The following PALLD variants were observed in gnomAD, a reference collection of about 807,000 sequenced individuals.
The protein encoded by PALLD is palladin.
PALLD carries 61 observed loss-of-function variants against 123.5 expected under a neutral mutation model. That is an observed-to-expected ratio of 0.49 (90% CI 0.40 to 0.61). The LOEUF (loss-of-function observed/expected upper bound fraction) is 0.61, where lower values mean the gene tolerates loss of function less well. Ranked by LOEUF, PALLD falls within the 20% of genes least tolerant of loss-of-function variation. The probability of loss-of-function intolerance (pLI) is 0.00; values close to 1 mark genes in which losing one functional copy is unlikely to be tolerated. For missense variants in PALLD, 1,273 were observed against 1,377.0 expected (o/e 0.92, Z 1.20); for synonymous variants, 465 against 496.4 (o/e 0.94, Z 0.84).
chr4:168,499,180 CAAAAAAAAA>C (rs1157137965), intron 1 of PALLD, among the ~76,000 whole-genome samples: 2 of 16,378 alleles, frequency 1.2e-4, no homozygotes, highest in Non-Finnish European at 2.0e-4. Flanking sequence ...CCCTTTGTAG[CAAAAAAAAA>C]AAAAAAAAAA....
chr4:168,720,146 G>A (rs1307446792), intron 10 of PALLD, among the ~76,000 whole-genome samples: 2 of 152,094 alleles, frequency 1.3e-5, no homozygotes, highest in Admixed American at 6.6e-5. Context: ...CTATAACCTG[G>A]TTATCTCTAC....
chr4:168,893,066 A>G (rs1754404339), intron 11 of PALLD, among the ~76,000 whole-genome samples: 1 of 152,200 alleles, frequency 6.6e-6, no homozygotes, highest in South Asian at 2.1e-4. Context: ...AAAACTGTGA[A>G]GTATATTTGG....
At position 168,619,626 on chromosome 4, in the gene PALLD, T is replaced by C. The variant is rs542010755; in HGVS notation, c.909-48564T>C. On this transcript the variant is annotated intron_variant, in intron 2 of 21. Transcript: ENST00000505667. ...CTGTTTCTTATACTGTGGTGGGAAATCTTTCAGTAGAACCAACTCAGATCT... is the reference window on the plus strand; with the variant it reads ...CTGTTTCTTATACTGTGGTGGGAAACCTTTCAGTAGAACCAACTCAGATCT... Among the ~76,000 whole-genome samples the C allele has an allele frequency of 2.6e-5, 4 of 152,306 alleles. No homozygotes were observed. The South Asian group carries it at 8.3e-4, about 32-fold the overall frequency.
intron 11 of PALLD, among the ~76,000 whole-genome samples, chr4:168,893,024 T>C (rs970591960): frequency 1.3e-5 from 2 of 152,196 alleles, no homozygotes; most frequent in African/African-American, 4.8e-5. Context: ...GACACGGGCT[T>C]TTATAGCCAG....
chr4:168,716,529 C>G lies in PALLD; in HGVS notation c.1964+4606C>G, dbSNP rs145205839. On this transcript the variant is annotated intron_variant, in intron 10 of 21. Transcript: ENST00000505667. ...GTAAAACGATTTCAGGCTGAATCAA[C>G]CTTTTCAAAATTACTGCATTTTACA... is the stretch of plus-strand genomic sequence containing the variant. Among the ~76,000 whole-genome samples the G allele has an allele frequency of 1.6e-3, 240 of 152,290 alleles. 2 individuals carry two copies. The highest frequency in any genetic ancestry group is 5.5e-3 in the African/African-American group (227 of 41,562).
intron 10 of PALLD, among the ~76,000 whole-genome samples, chr4:168,805,353 T>C (rs965867585): frequency 6.6e-6 from 1 of 152,112 alleles, no homozygotes; most frequent in African/African-American, 2.4e-5. Context: ...TAAGCTTTGC[T>C]TTAAGGGAGG....
At chr4:168,524,124 T>G (rs1190811546) in intron 2 of PALLD, among the ~76,000 whole-genome samples, 2 of 152,216 alleles carry the variant, frequency 1.3e-5, no homozygotes, top group African/African-American at 4.8e-5. Context: ...TAATCAGAAC[T>G]CTTTACAGAA....
Position 168,759,199 on chromosome 4 carries a change from AAAAATATATATATATATATATATATAT to A in PALLD, c.1964+47278_1964+47304del, listed in dbSNP as rs1173809909. 1.4e-3 allele frequency among the ~76,000 whole-genome samples: 53 copies of A among 38,364 alleles called. 4 individuals carry two copies. The highest frequency in any genetic ancestry group is 2.2e-3 in the Non-Finnish European group (43 of 19,932). 25.2% of individuals were successfully genotyped at this position (38,364 alleles called of 152,430 possible). A position where few individuals can be genotyped will look rare whatever the true frequency, so the allele number is the denominator to read the frequency against. On this transcript the variant is annotated intron_variant, in intron 10 of 21. Coordinates refer to ENST00000505667, the MANE Select transcript of PALLD (RefSeq NM_001166108.2). ...CATCTCAAAAAAAAAAAAAAAAAAAAAAAATATATATATATATATATATATATATATATATATATATATATAGAAACA... is the reference window on the plus strand; with the variant it reads ...CATCTCAAAAAAAAAAAAAAAAAAAAATATATATATATATATATAGAAACA...
chr4:168,606,297 G>C lies in PALLD; in HGVS notation c.909-61893G>C, dbSNP rs553312780. Among the ~76,000 whole-genome samples, 14 of 152,180 alleles carry C rather than the reference G, an allele frequency of 9.2e-5. No individual in the cohort carries two copies. The East Asian group carries it at 1.5e-3, about 17-fold the overall frequency. On this transcript the variant is annotated intron_variant, in intron 2 of 21. Transcript: ENST00000505667. ...GTGCCAGTGGTGGCTGCTGCTTTCA[G>C]ACCCTCGCCACCCAGGACAACAGCT...
At chr4:168,702,570 G>A (rs1159408054) in intron 8 of PALLD, among the ~76,000 whole-genome samples, 2 of 151,986 alleles carry the variant, frequency 1.3e-5, no homozygotes, top group Non-Finnish European at 2.9e-5. Context: ...AAGAAAAAAA[G>A]AACATGCGTG....
At chr4:168,734,984 T>C (rs1787589349) in intron 10 of PALLD, among the ~76,000 whole-genome samples, 1 of 152,218 alleles carries the variant, frequency 6.6e-6, no homozygotes, top group Admixed American at 6.5e-5. Flanking sequence ...GTAGTAGTAG[T>C]GTAGTAAGGA....
chr4:168,718,883 T>C (rs995900356), intron 10 of PALLD, among the ~76,000 whole-genome samples: 2 of 151,778 alleles, frequency 1.3e-5, no homozygotes, highest in Non-Finnish European at 2.9e-5. Flanking sequence ...GATTGATAAT[T>C]CCTTTCTCTA....
intron 2 of PALLD, among the ~76,000 whole-genome samples, chr4:168,635,252 G>A (rs1167788107): frequency 6.6e-6 from 1 of 152,132 alleles, no homozygotes; most frequent in African/African-American, 2.4e-5. Context: ...TTAATAATGG[G>A]GCCAAATAAA....
chr4:168,517,595 A>C (rs1763109509), intron 2 of PALLD, among the ~76,000 whole-genome samples: 1 of 152,186 alleles, frequency 6.6e-6, no homozygotes, highest in Admixed American at 6.5e-5. Context: ...CATCTCCTCA[A>C]AAACGACAGG....
chr4:168,631,632 A>T, intron 2 of PALLD: 4 of 985,506 alleles, frequency 4.1e-6, no homozygotes, highest in Non-Finnish European at 4.8e-6. Context: ...CGCGCTGGAG[A>T]CCGGCGGCCT....
chr4:168,922,278 G>A (rs2126522019), intron 18 of PALLD, among the ~76,000 whole-genome samples: 1 of 152,160 alleles, frequency 6.6e-6, no homozygotes, highest in Middle Eastern at 3.4e-3. Context: ...GCTTTGAGAA[G>A]CCTAAAAGGA....
At chr4:168,917,049 GT>G (rs1190179892) in intron 17 of PALLD, among the ~76,000 whole-genome samples, 1,791 of 124,826 alleles carry the variant, frequency 0.014, 26 homozygotes, top group East Asian at 0.043. Flanking sequence ...TTTTTTTGGG[GT>G]TTTTTTTTTT....
At chr4:168,897,915 G>A (rs1755576754) in intron 13 of PALLD, 1 of 152,590 alleles carries the variant, frequency 6.6e-6, no homozygotes, top group Non-Finnish European at 1.5e-5. Flanking sequence ...AGCTGAGGAG[G>A]CGGCCCTTGC....
chr4:168,521,608 C>A (rs72697206), intron 2 of PALLD, among the ~76,000 whole-genome samples: 13,096 of 152,214 alleles, frequency 0.086, 811 homozygotes, highest in Non-Finnish European at 0.12. Flanking sequence ...TTTTCAAAAA[C>A]CTTTGACTCT....
Sources: allele counts gnomAD v4.1 joint callset (sites outside exome capture counted in the v4.1 genomes callset), GRCh38; gene constraint gnomAD v4.1.1; transcripts MANE v1.5; gene names NCBI Gene and HGNC (gene_info 2026-07-23, HGNC 2026-07-21).